TENM4: variants seen among roughly 807,000 people sequenced by gnomAD.
TENM4 encodes teneurin transmembrane protein 4, also known as teneurin-4.
Under a neutral mutation model 243.3 loss-of-function variants are expected in TENM4, and 82 were observed. That is an observed-to-expected ratio of 0.34 (90% confidence interval 0.28 to 0.40). The LOEUF (loss-of-function observed/expected upper bound fraction) is 0.40. Ranked by LOEUF, TENM4 falls within the 10% of genes least tolerant of loss-of-function variation. The pLI is 1.00. For missense variants in TENM4, 3,138 were observed against 3,673.3 expected (o/e 0.85, Z 3.77); for synonymous variants, 1,412 against 1,456.3 (o/e 0.97, Z 0.69).
chr11:79,325,717 C>G (rs561422698), intron 1 of TENM4, among the ~76,000 whole-genome samples: 1 of 152,324 alleles, frequency 6.6e-6, no homozygotes, highest in South Asian at 2.1e-4. Flanking sequence ...GCTCAGTGAA[C>G]AGAGGTTATT....
chr11:78,876,149 C>T (rs78881294), intron 9 of TENM4, among the ~76,000 whole-genome samples: 219 of 152,274 alleles, frequency 1.4e-3, no homozygotes, highest in African/African-American at 5.2e-3. Flanking sequence ...ACATCTGGGG[C>T]TTGCAGGGCA....
chr11:79,239,719 C>T (rs968129503), intron 2 of TENM4, among the ~76,000 whole-genome samples: 1 of 152,190 alleles, frequency 6.6e-6, no homozygotes, highest in African/African-American at 2.4e-5. Context: ...ACCTACTATT[C>T]CTGGGGCACT....
At chr11:79,259,772 G>C (rs984988478) in intron 2 of TENM4, among the ~76,000 whole-genome samples, 2 of 152,066 alleles carry the variant, frequency 1.3e-5, no homozygotes, top group African/African-American at 4.8e-5. Flanking sequence ...CATCTACTAT[G>C]TACTCACTAT....
rs757024870 is a variant in TENM4, at chr11:78,920,591, ATTT to A, written c.494-17071_494-17069del. ...TTACTAATCACACTTACTCACATTG[ATTT>A]TTTTTTTCTCCCCGAGGATGAACTA... On this transcript the variant is annotated intron_variant, in intron 6 of 33. Coordinates refer to ENST00000278550, the MANE Select transcript of TENM4 (RefSeq NM_001098816.3). Among the ~76,000 whole-genome samples, 3 of 150,514 alleles carry A rather than the reference ATTT, an allele frequency of 2.0e-5. No homozygotes were observed. The South Asian group carries it at 6.4e-4, about 32-fold the overall frequency.
At chr11:79,023,939 A>C (rs1859002847) in intron 6 of TENM4, among the ~76,000 whole-genome samples, 1 of 152,264 alleles carries the variant, frequency 6.6e-6, no homozygotes, top group Non-Finnish European at 1.5e-5. Context: ...GGCACCTACC[A>C]CGAAAGAAAC....
intron 19 of TENM4, among the ~76,000 whole-genome samples, chr11:78,754,432 T>C (rs1785817): frequency 0.74 from 112,544 of 151,894 alleles, 43,839 homozygotes; most frequent in Non-Finnish European, 0.88. Flanking sequence ...CAGGAGGACA[T>C]ACAGGAGACG....
intron 6 of TENM4, among the ~76,000 whole-genome samples, chr11:79,022,755 A>T (rs1858966918): frequency 6.6e-6 from 1 of 152,236 alleles, no homozygotes; most frequent in African/African-American, 2.4e-5. Context: ...ATGATGATGG[A>T]TGAAGATTGT....
At chr11:79,347,069 T>G (rs1857337816) in intron 1 of TENM4, among the ~76,000 whole-genome samples, 1 of 152,192 alleles carries the variant, frequency 6.6e-6, no homozygotes, top group Non-Finnish European at 1.5e-5. Flanking sequence ...GGGATGCATC[T>G]TACTTAGAAA....
intron 17 of TENM4, among the ~76,000 whole-genome samples, chr11:78,772,527 A>C (rs1283516294): frequency 3.3e-5 from 5 of 152,210 alleles, no homozygotes; most frequent in Non-Finnish European, 7.3e-5. Flanking sequence ...ATATGGCCAC[A>C]AACTGGATCT....
At chr11:79,351,842 C>T (rs1049469381) in intron 1 of TENM4, among the ~76,000 whole-genome samples, 1 of 152,194 alleles carries the variant, frequency 6.6e-6, no homozygotes, top group Non-Finnish European at 1.5e-5. Context: ...TGATCATCTA[C>T]CTAATCACTT....
chr11:78,746,304 G>A (rs1333103329), intron 19 of TENM4, among the ~76,000 whole-genome samples: 9 of 152,236 alleles, frequency 5.9e-5, no homozygotes, highest in Admixed American at 5.2e-4. Flanking sequence ...CTAACAGCAA[G>A]ATGGCCCAGC....
At chr11:79,217,004 T>C (rs1182471807) in intron 2 of TENM4, among the ~76,000 whole-genome samples, 1 of 152,010 alleles carries the variant, frequency 6.6e-6, no homozygotes, top group African/African-American at 2.4e-5. Context: ...ACTTCCCCCC[T>C]CTAAGCCTCA....
chr11:78,830,036 A>G (rs1857942407), intron 12 of TENM4, among the ~76,000 whole-genome samples: 1 of 152,142 alleles, frequency 6.6e-6, no homozygotes, highest in Non-Finnish European at 1.5e-5. Context: ...TTCCGCCTAC[A>G]CCACAACACA....
At chr11:79,065,161 T>C (rs1001116896) in intron 5 of TENM4, among the ~76,000 whole-genome samples, 154 bp from the exon 6 acceptor site, 1 of 152,224 alleles carries the variant, frequency 6.6e-6, no homozygotes, top group Non-Finnish European at 1.5e-5. Flanking sequence ...AGTGATTGCC[T>C]CTGCCTGGAG....
chr11:78,708,819 G>T (rs1367125130), intron 26 of TENM4, among the ~76,000 whole-genome samples: 1 of 152,114 alleles, frequency 6.6e-6, no homozygotes, highest in African/African-American at 2.4e-5. Context: ...ACTTCTGGGG[G>T]TTTTTAAGCA....
At chr11:79,270,063 A>T (rs896595922) in intron 2 of TENM4, among the ~76,000 whole-genome samples, 15 of 151,710 alleles carry the variant, frequency 9.9e-5, no homozygotes, top group African/African-American at 3.6e-4. Flanking sequence ...AAGACTCCTC[A>T]GTGATTGCTG....
Position 78,672,057 on chromosome 11 carries a change from T to C in TENM4, c.5769A>G (p.Thr1923=). 6.2e-7 allele frequency: 1 copy of C among 1,613,926 alleles called. No individual in the cohort carries two copies. Among genetic ancestry groups the C allele is most frequent in the Non-Finnish European group, 8.5e-7 (1 of 1,179,866 alleles). The change falls in exon 31 of 34, where the codon ACA becomes ACG. Residue 1923 remains threonine (T), a synonymous_variant. Coordinates refer to ENST00000278550, the MANE Select transcript of TENM4 (RefSeq NM_001098816.3). ...ITSRIFADGK[T]WSYTYLEKSM... Reference sequence around the variant, plus strand: ...CCTTCTCTAAGTATGTGTAGCTCCATGTCTTCCCATCAGCGAAGATCCTGG... The same window carrying C: ...CCTTCTCTAAGTATGTGTAGCTCCACGTCTTCCCATCAGCGAAGATCCTGG...
intron 4 of TENM4, among the ~76,000 whole-genome samples, chr11:79,094,227 A>C (rs950090058): frequency 8.5e-5 from 13 of 152,166 alleles, no homozygotes; most frequent in African/African-American, 3.1e-4. Flanking sequence ...TGGAGTAAGG[A>C]AAAAGGAGGG....
intron 1 of TENM4, among the ~76,000 whole-genome samples, chr11:79,320,418 C>A (rs1018667697): frequency 2.6e-5 from 4 of 152,182 alleles, no homozygotes; most frequent in Non-Finnish European, 2.9e-5. Flanking sequence ...ATCAAAATAG[C>A]AGTTGAGAAA....
Sources: gnomAD v4.1 joint callset for allele counts (sites outside exome capture counted in the v4.1 genomes callset) on GRCh38, gnomAD v4.1.1 for gene constraint, MANE v1.5 for transcripts, NCBI Gene and HGNC (gene_info 2026-07-23, HGNC 2026-07-21) for gene names.